HEXB: variants seen among roughly 807,000 people sequenced by gnomAD.
HEXB encodes the protein beta-hexosaminidase subunit beta.
In HEXB, 51 loss-of-function variants were observed where a neutral mutation model predicts 71.2. The observed-to-expected ratio is 0.72, with a 90% CI of 0.57 to 0.90. The LOEUF is 0.90. Ranked by LOEUF, HEXB falls within the 40% of genes least tolerant of loss-of-function variation. The pLI is 0.00. For missense variants in HEXB, 617 were observed against 677.0 expected, an observed-to-expected ratio of 0.91 and a Z score of 0.98; for synonymous variants, 266 against 249.3, an observed-to-expected ratio of 1.07 and a Z score of -0.63.
chr5:74,690,602 C>T (rs12516258), intron 2 of HEXB, among the ~76,000 whole-genome samples: 33,999 of 140,696 alleles, frequency 0.24, 4,414 homozygotes, highest in African/African-American at 0.37. Context: ...CAGTGAGCTG[C>T]AATCATGCCG....
At chr5:74,703,912 C>T (rs1749319556) in intron 5 of HEXB, among the ~76,000 whole-genome samples, 1 of 152,176 alleles carries the variant, frequency 6.6e-6, no homozygotes, top group Non-Finnish European at 1.5e-5. Flanking sequence ...CTCCTGGGCC[C>T]AAGTGATCTT....
chr5:74,702,613 C>T (rs1184740838), intron 5 of HEXB, among the ~76,000 whole-genome samples: 2 of 152,194 alleles, frequency 1.3e-5, no homozygotes, highest in Non-Finnish European at 2.9e-5. Context: ...TGCCAGGTTT[C>T]TCCACTGTGA....
chr5:74,705,406 G>A (rs1749362977), intron 6 of HEXB, 86 bp downstream of exon 6: 1 of 827,638 alleles, frequency 1.2e-6, no homozygotes, highest in Non-Finnish European at 2.1e-6. Flanking sequence ...TGTTCTTATG[G>A]ATAGAATCAA....
chr5:74,712,240 A>G (rs1364451284), intron 6 of HEXB, among the ~76,000 whole-genome samples: 2 of 144,484 alleles, frequency 1.4e-5, no homozygotes, highest in African/African-American at 5.2e-5. Context: ...ATGAGAACAC[A>G]TGGACACAGG....
chr5:74,649,088 C>T (rs1469354287), intron 1 of HEXB, among the ~76,000 whole-genome samples: 1 of 152,156 alleles, frequency 6.6e-6, no homozygotes, highest in Non-Finnish European at 1.5e-5. Context: ...CTTGTGGATC[C>T]GTTTGAGCAG....
chr5:74,656,219 G>T (rs1748214669), intron 1 of HEXB, among the ~76,000 whole-genome samples: 1 of 152,146 alleles, frequency 6.6e-6, no homozygotes, highest in African/African-American at 2.4e-5. Flanking sequence ...ACTTGGGGAG[G>T]CCTAGCCGGG....
chr5:74,698,602 G>C (rs1749174943), intron 5 of HEXB, among the ~76,000 whole-genome samples: 1 of 149,308 alleles, frequency 6.7e-6, no homozygotes, highest in South Asian at 2.1e-4. Flanking sequence ...ATGTTAGCCA[G>C]GATGTTCTCA....
In HEXB at chr5:74,715,669, A is replaced by G. The variant is rs781244479; in HGVS notation, c.1061A>G (p.Asp354Gly). ...FPDQFIHLGG[D>G]EVEFKCWESN... ...GATCAATTCATTCATTTGGGAGGAGATGAAGTGGAATTTAAATGTTGGTAA... is the reference window on the plus strand; with the variant it reads ...GATCAATTCATTCATTTGGGAGGAGGTGAAGTGGAATTTAAATGTTGGTAA... The change falls in exon 8 of 14, where the codon GAT becomes GGT. Residue 354 changes from aspartate to glycine, a missense_variant. Asp to Gly is a moderately conservative substitution (Grantham distance 94). Coordinates refer to ENST00000261416, the MANE Select transcript of HEXB (RefSeq NM_000521.4). 5.0e-6 allele frequency: 8 copies of G among 1,602,606 alleles called. No homozygotes were observed. In the South Asian group the frequency reaches 5.5e-5, roughly 11 times the overall value.
chr5:74,685,312 C>A lies in HEXB; in HGVS notation c.52C>A (p.Leu18Met), dbSNP rs761771731. ...LPRPPMLLAL[L>M]LATLLAAMLA... ...CCGGCCGCCCATGCTGCTGGCGCTG[C>A]TGTTGGCGACACTGCTGGCGGCGAT... is the stretch of plus-strand genomic sequence containing the variant. The change falls in exon 1 of 14, where the codon CTG becomes ATG. Residue 18 changes from leucine to methionine, a missense_variant. Transcript: ENST00000261416. The A allele has an allele frequency of 1.3e-6, 2 of 1,568,016 alleles. No individual in the cohort carries two copies. The highest frequency in any genetic ancestry group is 2.3e-5 in the South Asian group (2 of 86,560).
intron 1 of HEXB, among the ~76,000 whole-genome samples, chr5:74,656,414 G>T (rs528367278): frequency 6.6e-6 from 1 of 152,026 alleles, no homozygotes; most frequent in African/African-American, 2.4e-5. Context: ...GGGAGGCACA[G>T]GTTGCAATGA....
chr5:74,719,995 G>A, intron 11 of HEXB: 1 of 180,628 alleles, frequency 5.5e-6, no homozygotes, highest in South Asian at 1.2e-4. Context: ...TAAATGCCAA[G>A]AGGTAGAAAT....
At chr5:74,668,161 G>C (rs1312678168) in intron 1 of HEXB, among the ~76,000 whole-genome samples, 2 of 152,052 alleles carry the variant, frequency 1.3e-5, no homozygotes, top group African/African-American at 4.8e-5. Flanking sequence ...CTTCAGGAGA[G>C]TTGCAGCCAT....
intron 1 of HEXB, among the ~76,000 whole-genome samples, chr5:74,661,511 CTCTGTGTGTGTGTGTGTGTGTGTGTG>C (rs1369159285): frequency 7.8e-6 from 1 of 127,740 alleles, no homozygotes; most frequent in Non-Finnish European, 1.6e-5. Flanking sequence ...TTTTCTCTCT[CTCTGTGTGTGTGTGTGTGTGTGTGTG>C]TGTGTGTGTG....
chr5:74,658,570 C>T (rs1322674096), intron 1 of HEXB, among the ~76,000 whole-genome samples: 3 of 151,942 alleles, frequency 2.0e-5, no homozygotes, highest in African/African-American at 7.3e-5. Context: ...ATCAATCAGT[C>T]ATGCATATGT....
intron 6 of HEXB, among the ~76,000 whole-genome samples, chr5:74,708,986 T>A (rs1170687962): frequency 6.6e-6 from 1 of 152,108 alleles, no homozygotes; most frequent in Non-Finnish European, 1.5e-5. Context: ...CAACAGAAGA[T>A]ACATTTTTTT....
intron 2 of HEXB, among the ~76,000 whole-genome samples, chr5:74,690,857 C>A (rs1168218403): frequency 6.6e-6 from 1 of 151,976 alleles, no homozygotes; most frequent in African/African-American, 2.4e-5. Flanking sequence ...CATAGCTGTT[C>A]TTAGAAGAGA....
In HEXB at chr5:74,652,160, A is replaced by G. The variant is rs541653055; in HGVS notation, c.-377+11602A>G. Among the ~76,000 whole-genome samples the G allele has an allele frequency of 3.8e-4, 58 of 152,264 alleles. No homozygotes were observed. In the South Asian group the frequency reaches 0.011, roughly 29 times the overall value. ...AATACATATGCATGGATCAACCATA[A>G]ATAATAATTAATGTCCATTTAGAGT... On this transcript the variant is annotated intron_variant, in intron 1 of 13. Coordinates refer to the HEXB transcript ENST00000511181. This position sits in a 1 kb window ranked among gnomAD's most constrained non-coding sequence, Gnocchi z 5.4.
At chr5:74,679,913 T>C (rs1227478658) in intron 1 of HEXB, among the ~76,000 whole-genome samples, 1 of 150,554 alleles carries the variant, frequency 6.6e-6, no homozygotes. Context: ...ATAAAATCCC[T>C]TAAGACCTCA....
chr5:74,664,021 C>T (rs188490232), intron 1 of HEXB, among the ~76,000 whole-genome samples: 61 of 151,910 alleles, frequency 4.0e-4, no homozygotes, highest in African/African-American at 1.4e-3. Context: ...TTTGGGAGGC[C>T]GAGGCAGGTG....
Sources: gnomAD v4.1 joint callset for allele counts (sites outside exome capture counted in the v4.1 genomes callset) on GRCh38, gnomAD v4.1.1 for gene constraint, Gnocchi (gnomAD v3.1) non-coding constraint, MANE v1.5 for transcripts, NCBI Gene and HGNC (gene_info 2026-07-23, HGNC 2026-07-21) for gene names.